The following OAS3 variants were observed in gnomAD, a reference collection of about 807,000 sequenced individuals.
The protein encoded by OAS3 is 2'-5'-oligoadenylate synthase 3.
In OAS3, 107 loss-of-function variants were observed where a neutral mutation model predicts 113.0. The ratio of observed to expected loss-of-function variants is 0.95; its 90% confidence interval spans 0.81 to 1.11. The LOEUF is 1.11. Ranked by LOEUF, OAS3 falls within the 50% of genes most tolerant of loss-of-function variation. OAS3 has a pLI of 0.00. For missense variants in OAS3, 1,258 were observed against 1,389.1 expected (o/e 0.91, Z 1.50); for synonymous variants, 552 against 573.6 (o/e 0.96, Z 0.54).
Position 112,963,268 on chromosome 12 carries a change from C to T in OAS3, c.2085-45C>T. 6.6e-7 allele frequency: 1 copy of T among 1,521,568 alleles called. No homozygotes were observed. The highest frequency in any genetic ancestry group is 2.0e-5 in the Admixed American group (1 of 50,388). The allele number at this position is 1,521,568 out of a possible 1,614,324, so 94.3% of individuals were successfully genotyped here. A position where few individuals can be genotyped will look rare whatever the true frequency, so the allele number is the denominator to read the frequency against. ...CAGCCCTTCCACCCGCCTCCTCTTT[C>T]ACTGACTCCCACCTTCCCCACCCAC... On this transcript the variant is annotated intron_variant, in intron 9 of 15. Coordinates refer to ENST00000228928, the MANE Select transcript of OAS3 (RefSeq NM_006187.4). This position sits in a 1 kb window ranked among gnomAD's most constrained non-coding sequence, Gnocchi z 4.6.
intron 2 of OAS3, among the ~76,000 whole-genome samples, chr12:112,943,299 G>A (rs1474952677): frequency 6.6e-6 from 1 of 152,098 alleles, no homozygotes; most frequent in Non-Finnish European, 1.5e-5. Context: ...CCAAGAACTT[G>A]ACATGTTTTA....
At position 112,941,880 on chromosome 12, in the gene OAS3, T is replaced by C; in HGVS notation, c.460+28T>C. On this transcript the variant is annotated intron_variant, in intron 2 of 15. Transcript: ENST00000228928. Reference sequence around the variant, plus strand: ...GAGGGGTTCCTAGACCATTCCAGGGTTGGGGGCAAAAGATCATTGGGAACA... The same window carrying C: ...GAGGGGTTCCTAGACCATTCCAGGGCTGGGGGCAAAAGATCATTGGGAACA... 2.5e-6 allele frequency: 4 copies of C among 1,613,892 alleles called. No individual in the cohort carries two copies. The South Asian group carries it at 3.3e-5, about 13-fold the overall frequency.
At chr12:112,951,112 G>C in intron 7 of OAS3, 137 bp downstream of exon 7, 1 of 775,084 alleles carries the variant, frequency 1.3e-6, no homozygotes, top group Non-Finnish European at 2.0e-6. Context: ...GATACTGAAA[G>C]TAATCATCAC....
rs879356452 is a variant in OAS3 at position 112,963,441 on chromosome 12, A to C, written c.2213A>C (p.Gln738Pro). 2 of 1,547,058 alleles carry C rather than the reference A, an allele frequency of 1.3e-6. No individual in the cohort carries two copies. The highest frequency in any genetic ancestry group is 8.7e-7 in the Non-Finnish European group (1 of 1,143,926). ...CTGAGTAGAGACGGGACATCTGTGC[A>C]GCCCTGGGATGTGATGGTAAGATGG... Reference protein sequence around the residue: ...CFLSRDGTSVQPWDVMPALLY... With the variant: ...CFLSRDGTSVPPWDVMPALLY... Residue 738 changes from glutamine (Q) to proline (P), a missense_variant, in exon 10 of 16, where the codon CAG (glutamine) becomes CCG (proline). Coordinates refer to ENST00000228928, the MANE Select transcript of OAS3 (RefSeq NM_006187.4). This position sits in a 1 kb window ranked among gnomAD's most constrained non-coding sequence, Gnocchi z 4.6.
intron 1 of OAS3, among the ~76,000 whole-genome samples, chr12:112,941,311 A>C (rs1303814347): frequency 6.6e-6 from 1 of 152,182 alleles, no homozygotes; most frequent in African/African-American, 2.4e-5. Context: ...GGCCGCAGTG[A>C]GCTATGTGTT....
intron 7 of OAS3, among the ~76,000 whole-genome samples, chr12:112,960,556 T>C (rs7953034): frequency 0.12 from 18,663 of 152,170 alleles, 1,266 homozygotes; most frequent in Middle Eastern, 0.18. Context: ...TTATTGAGCA[T>C]ATGATGTATT....
At chr12:112,939,981 G>T in intron 1 of OAS3, among the ~76,000 whole-genome samples, 1 of 152,166 alleles carries the variant, frequency 6.6e-6, no homozygotes, top group Non-Finnish European at 1.5e-5. Context: ...CTTGGAGATG[G>T]ACAGGAGGGA....
At position 112,963,151 on chromosome 12, in the gene OAS3, C is replaced by T. The variant is rs73422023; in HGVS notation, c.2085-162C>T. 0.028 allele frequency among the ~76,000 whole-genome samples: 4,216 copies of T among 152,340 alleles called. 183 individuals are homozygous for T. Among genetic ancestry groups the T allele is most frequent in the African/African-American group, 0.093 (3,862 of 41,560 alleles). On this transcript the variant is annotated intron_variant, in intron 9 of 15. Transcript: ENST00000228928. The surrounding 1 kb of genome is among the most constrained non-coding windows in gnomAD (Gnocchi z 4.6). ...AAGGGGCCACCCAATAGCTTTCCAA[C>T]CAAGGCAGCCAATTGAGATCGCTTC...
intron 4 of OAS3, 98 bp from the exon 5 acceptor site, chr12:112,947,848 C>G: frequency 8.7e-7 from 1 of 1,152,650 alleles, no homozygotes; most frequent in South Asian, 1.7e-5. Context: ...CCCCAGGTCA[C>G]ACAGCTGGAA....
At chr12:112,964,132 G>A in intron 10 of OAS3, 103 bp from the exon 11 acceptor site, 2 of 1,179,524 alleles carry the variant, frequency 1.7e-6, no homozygotes, top group African/African-American at 1.5e-5. Flanking sequence ...GAGGGACATG[G>A]GAGACAGTGG....
Position 112,964,235 on chromosome 12 carries a change from C to G in OAS3, c.2230C>G (p.Pro744Ala). 6.3e-7 allele frequency: 1 copy of G among 1,583,728 alleles called. No homozygotes were observed. The highest frequency in any genetic ancestry group is 2.3e-5 in the East Asian group (1 of 43,268). The change falls in exon 11 of 16, where the codon CCA becomes GCA. Residue 744 changes from proline (P) to alanine (A), a missense_variant and splice_region_variant. By Grantham distance (27) the Pro-to-Ala change is conservative (BLOSUM62 -1). Coordinates refer to ENST00000228928, the MANE Select transcript of OAS3 (RefSeq NM_006187.4). ...GTSVQPWDVMPALLYQTPAGD... is the reference protein window; with the variant it reads ...GTSVQPWDVMAALLYQTPAGD... Reference sequence around the variant, plus strand: ...GGCCCCACCTGGATTCTCTCTGCAGCCAGCCCTCCTTTACCAAACCCCAGC... The same window carrying G: ...GGCCCCACCTGGATTCTCTCTGCAGGCAGCCCTCCTTTACCAAACCCCAGC...
intron 7 of OAS3, among the ~76,000 whole-genome samples, chr12:112,955,917 G>A (rs559301760): frequency 6.6e-5 from 10 of 152,304 alleles, no homozygotes; most frequent in Admixed American, 6.5e-4. Context: ...AATGGTAACA[G>A]CTCCTCTTTG....
intron 3 of OAS3, among the ~76,000 whole-genome samples, chr12:112,946,382 G>A (rs1022260142): frequency 1.3e-5 from 2 of 152,138 alleles, no homozygotes; most frequent in Admixed American, 6.5e-5. Flanking sequence ...GTGAAAGGGC[G>A]ACAACTTGGT....
chr12:112,946,666 C>A, intron 3 of OAS3, 77 bp from the exon 4 acceptor site: 1 of 1,308,802 alleles, frequency 7.6e-7, no homozygotes, highest in Non-Finnish European at 1.1e-6. Flanking sequence ...GGAAGGTCCC[C>A]AGTCTGGTTA....
At chr12:112,961,695 A>T (rs1389553903) in intron 8 of OAS3, among the ~76,000 whole-genome samples, 1 of 152,196 alleles carries the variant, frequency 6.6e-6, no homozygotes, top group Non-Finnish European at 1.5e-5. Flanking sequence ...AAAGATCTGA[A>T]CAGAAAAGCT....
chr12:112,971,764 T>C lies in OAS3; in HGVS notation c.*1791T>C, dbSNP rs1245426415. ...CCTCTGATTCACCTAGAACCTGTTC[T>C]CTGCCGTCTTTGGCTCAGCCTACAG... is the stretch of plus-strand genomic sequence containing the variant. On this transcript the variant is annotated 3_prime_UTR_variant, in exon 16 of 16. Transcript: ENST00000228928. 6.6e-6 allele frequency: 1 copy of C among 152,242 alleles called. No individual in the cohort carries two copies. Among genetic ancestry groups the C allele is most frequent in the Non-Finnish European group, 1.5e-5 (1 of 68,050 alleles). The allele number at this position is 152,242 out of a possible 1,614,324, so 9.4% of individuals were successfully genotyped here.
Position 112,968,169 on chromosome 12 carries a change from G to GC in OAS3, c.3102dup (p.Arg1035GlnfsTer9). The GC allele has an allele frequency of 1.9e-6, 3 of 1,612,446 alleles. No homozygotes were observed. The highest frequency in any genetic ancestry group is 2.5e-6 in the Non-Finnish European group (3 of 1,178,808). On this transcript the variant is annotated frameshift_variant, in exon 14 of 16. Coordinates refer to ENST00000228928, the MANE Select transcript of OAS3 (RefSeq NM_006187.4). LOFTEE classifies it high-confidence loss of function. ...ACTTCCTGAAACAGCAGCTTCAGAA[G>GC]CCCAGGTTCAGGTCTACCCCCAATG... is the stretch of plus-strand genomic sequence containing the variant.
At chr12:112,943,604 C>T (rs2043700499) in intron 2 of OAS3, among the ~76,000 whole-genome samples, 1 of 152,204 alleles carries the variant, frequency 6.6e-6, no homozygotes, top group African/African-American at 2.4e-5. Flanking sequence ...TTTCTCTGTG[C>T]CTCAGCTTCC....
chr12:112,966,245 C>A (rs544937161), intron 12 of OAS3, among the ~76,000 whole-genome samples: 27 of 152,326 alleles, frequency 1.8e-4, no homozygotes, highest in Middle Eastern at 3.4e-3. Flanking sequence ...CTAACAGTGG[C>A]CTCAAGCTGG....
Sources: allele counts gnomAD v4.1 joint callset (sites outside exome capture counted in the v4.1 genomes callset), GRCh38; gene constraint gnomAD v4.1.1; non-coding constraint Gnocchi (gnomAD v3.1); transcripts MANE v1.5; gene names NCBI Gene and HGNC (gene_info 2026-07-23, HGNC 2026-07-21).